CYSTM1: variants seen among roughly 807,000 people sequenced by gnomAD.
CYSTM1 encodes cysteine-rich transmembrane module-containing protein 1.
In CYSTM1, 4 loss-of-function variants were observed where a neutral mutation model predicts 13.1. That is an observed-to-expected ratio of 0.31 (90% CI 0.15 to 0.70). CYSTM1 has a LOEUF of 0.70. Ranked by LOEUF, CYSTM1 falls within the 30% of genes least tolerant of loss-of-function variation. The probability of loss-of-function intolerance (pLI) is 0.72; values close to 1 mark genes in which losing one functional copy is unlikely to be tolerated. For synonymous variants in CYSTM1, 36 were observed against 42.7 expected, an observed-to-expected ratio of 0.84 and a Z score of 0.62; for missense variants, 96 against 121.6, an observed-to-expected ratio of 0.79 and a Z score of 0.99.
chr5:140,217,601 C>G (rs1370234089), intron 2 of CYSTM1, among the ~76,000 whole-genome samples: 1 of 152,144 alleles, frequency 6.6e-6, no homozygotes, highest in Non-Finnish European at 1.5e-5. Flanking sequence ...CAGCCCCTTT[C>G]TAGAAAATTC....
chr5:140,191,112 A>G (rs1210754575), intron 1 of CYSTM1, among the ~76,000 whole-genome samples: 1 of 152,174 alleles, frequency 6.6e-6, no homozygotes, highest in Non-Finnish European at 1.5e-5. Context: ...CCTGTTTTTC[A>G]AATGCCAGCT....
chr5:140,178,711 CCG>C (rs1763922971), intron 1 of CYSTM1, among the ~76,000 whole-genome samples: 1 of 152,006 alleles, frequency 6.6e-6, no homozygotes, highest in South Asian at 2.1e-4. Flanking sequence ...AGCCATCCTC[CCG>C]ACTCAGTCTC....
At chr5:140,240,688 G>A (rs1764737508) in intron 2 of CYSTM1, among the ~76,000 whole-genome samples, 1 of 152,086 alleles carries the variant, frequency 6.6e-6, no homozygotes, top group South Asian at 2.1e-4. Flanking sequence ...CTCTGGAGAT[G>A]CAGTACCCTG....
At chr5:140,208,733 A>G (rs1259179885) in intron 2 of CYSTM1, among the ~76,000 whole-genome samples, 1 of 152,150 alleles carries the variant, frequency 6.6e-6, no homozygotes, top group Non-Finnish European at 1.5e-5. Flanking sequence ...ATAAAAAAAT[A>G]TTTTTAAAGA....
At chr5:140,197,947 GT>G (rs1764176318) in intron 2 of CYSTM1, among the ~76,000 whole-genome samples, 1 of 152,152 alleles carries the variant, frequency 6.6e-6, no homozygotes, top group Non-Finnish European at 1.5e-5. Flanking sequence ...ATCTGTTTAT[GT>G]TTTAGAATTC....
intron 1 of CYSTM1, among the ~76,000 whole-genome samples, chr5:140,194,137 T>C (rs1377527463): frequency 6.6e-6 from 1 of 152,216 alleles, no homozygotes; most frequent in Non-Finnish European, 1.5e-5. Flanking sequence ...AACACATTTA[T>C]TTAGGGGACT....
chr5:140,243,416 A>T lies in CYSTM1; in HGVS notation c.*5A>T. The T allele has an allele frequency of 1.9e-6, 3 of 1,613,440 alleles. No homozygotes were observed. The South Asian group carries it at 3.3e-5, about 18-fold the overall frequency. On this transcript the variant is annotated 3_prime_UTR_variant, in exon 3 of 3. Transcript: ENST00000261811. ...CTCTGGGACATGCTCACCTGACCAG[A>T]CCAGCCCAGCCGTCCTGTCCTGCCA...
At chr5:140,206,569 G>A (rs911916537) in intron 2 of CYSTM1, among the ~76,000 whole-genome samples, 1 of 152,030 alleles carries the variant, frequency 6.6e-6, no homozygotes, top group Non-Finnish European at 1.5e-5. Context: ...GCTGCTTCCT[G>A]AATTGCTGAC....
At position 140,194,597 on chromosome 5, in the gene CYSTM1, A is replaced by G; in HGVS notation, c.132A>G (p.Gln44=). 1 of 1,613,500 alleles carries G rather than the reference A, an allele frequency of 6.2e-7. No individual in the cohort carries two copies. The highest frequency in any genetic ancestry group is 8.5e-7 in the Non-Finnish European group (1 of 1,179,670). ...CACCTCCTCAAGGGTACCCCTACCA[A>G]GGATACCCACAGTACGGCTGGCAGG... ...PYPPPQGYPY[Q]GYPQYGWQGG... The change falls in exon 2 of 3, where the codon CAA becomes CAG. Residue 44 remains glutamine, a synonymous_variant. Transcript: ENST00000261811.
At chr5:140,187,073 CCGAGAT>C (rs1764022961) in intron 1 of CYSTM1, among the ~76,000 whole-genome samples, 1 of 152,102 alleles carries the variant, frequency 6.6e-6, no homozygotes, top group Non-Finnish European at 1.5e-5. Context: ...TTGTAGTGAG[CCGAGAT>C]CGCACCACTG....
intron 2 of CYSTM1, among the ~76,000 whole-genome samples, chr5:140,225,154 CCT>C (rs1309643043): frequency 6.6e-6 from 1 of 152,148 alleles, no homozygotes; most frequent in Admixed American, 6.5e-5. Flanking sequence ...TGCACTTCAG[CCT>C]GGGTAATAGA....
intron 2 of CYSTM1, among the ~76,000 whole-genome samples, chr5:140,213,446 G>T (rs1164226989): frequency 2.6e-5 from 4 of 152,094 alleles, no homozygotes; most frequent in Non-Finnish European, 4.4e-5. Context: ...ATTGAAGAAA[G>T]AAATTTGTTT....
chr5:140,218,912 G>C (rs563346874), intron 2 of CYSTM1, among the ~76,000 whole-genome samples: 1 of 152,250 alleles, frequency 6.6e-6, no homozygotes, highest in South Asian at 2.1e-4. Context: ...GCATATTTTT[G>C]GAGGGTCCCT....
chr5:140,190,067 A>G (rs577040761), intron 1 of CYSTM1, among the ~76,000 whole-genome samples: 11 of 152,272 alleles, frequency 7.2e-5, no homozygotes, highest in African/African-American at 2.6e-4. Context: ...CCTGTCTGTT[A>G]AATTAGGAGA....
At chr5:140,234,854 G>A (rs1325003548) in intron 2 of CYSTM1, among the ~76,000 whole-genome samples, 5 of 152,108 alleles carry the variant, frequency 3.3e-5, no homozygotes, top group African/African-American at 1.2e-4. Flanking sequence ...TCCCTCCCTC[G>A]AGGTCTTTAC....
chr5:140,212,256 C>T (rs1226518830), intron 2 of CYSTM1, among the ~76,000 whole-genome samples: 3 of 152,218 alleles, frequency 2.0e-5, no homozygotes, highest in East Asian at 1.9e-4. Flanking sequence ...CAACAGGCCA[C>T]GTAAATGACG....
chr5:140,192,164 A>G (rs77441450), intron 1 of CYSTM1, among the ~76,000 whole-genome samples: 46 of 151,898 alleles, frequency 3.0e-4, no homozygotes, highest in Admixed American at 1.4e-3. Flanking sequence ...TTTATAATCA[A>G]CTCCTTCAAA....
At chr5:140,199,969 G>C (rs1764207228) in intron 2 of CYSTM1, among the ~76,000 whole-genome samples, 1 of 152,114 alleles carries the variant, frequency 6.6e-6, no homozygotes, top group Non-Finnish European at 1.5e-5. Context: ...TGATGGGGTT[G>C]TTTTTTTCTC....
In CYSTM1 at chr5:140,242,350, G is replaced by A. The variant is rs146045815; in HGVS notation, c.188-955G>A. Among the ~76,000 whole-genome samples, 1,367 of 152,252 alleles carry A rather than the reference G, an allele frequency of 9.0e-3. 22 individuals are homozygous for A. The highest frequency in any genetic ancestry group is 0.032 in the African/African-American group (1,318 of 41,534). ...CCAGGCTCCAGAGAGAGGCGCTGCC[G>A]AGAGAGGTCTAAAAACAGATACAAA... On this transcript the variant is annotated intron_variant, in intron 2 of 2. Coordinates refer to ENST00000261811, the MANE Select transcript of CYSTM1 (RefSeq NM_032412.4).
Sources: gnomAD v4.1 joint callset for allele counts (sites outside exome capture counted in the v4.1 genomes callset) on GRCh38, gnomAD v4.1.1 for gene constraint, MANE v1.5 for transcripts, NCBI Gene and HGNC (gene_info 2026-07-23, HGNC 2026-07-21) for gene names.